The following GASK1A variants were observed in gnomAD, a reference collection of about 807,000 sequenced individuals.
GASK1A encodes the protein golgi associated kinase 1A.
A neutral mutation model predicts 41.2 loss-of-function variants in GASK1A; 40 were observed. That is an observed-to-expected ratio of 0.97 (90% CI 0.75 to 1.27). The LOEUF (loss-of-function observed/expected upper bound fraction) is 1.27. Among genes scored for constraint, GASK1A ranks in the 50% most tolerant of loss-of-function variants. The probability of loss-of-function intolerance (pLI) is 0.00; values close to 1 mark genes in which losing one functional copy is unlikely to be tolerated. For missense variants in GASK1A, 678 were observed against 745.1 expected (o/e 0.91, Z 1.05); for synonymous variants, 316 against 307.1 (o/e 1.03, Z -0.30).
intron 2 of GASK1A, among the ~76,000 whole-genome samples, chr3:43,038,599 T>TG (rs2089616855): frequency 8.6e-5 from 1 of 11,600 alleles, no homozygotes; most frequent in Non-Finnish European, 3.3e-4. Context: ...CTCTTTGATC[T>TG]TTAAAAAAAA....
intron 4 of GASK1A, 31 bp downstream of exon 4, chr3:43,055,566 A>G: frequency 6.7e-7 from 1 of 1,483,280 alleles, no homozygotes; most frequent in South Asian, 1.2e-5. Context: ...GTGGAAGTTC[A>G]TGGGACTGAG....
At chr3:42,996,091 G>C (rs1325637388) in intron 1 of GASK1A, among the ~76,000 whole-genome samples, 1 of 149,694 alleles carries the variant, frequency 6.7e-6, no homozygotes, top group East Asian at 2.0e-4. Flanking sequence ...TATAATCAAC[G>C]TGGAGACTGG....
At chr3:42,987,068 A>G (rs891359187) in intron 1 of GASK1A, among the ~76,000 whole-genome samples, 2 of 152,244 alleles carry the variant, frequency 1.3e-5, no homozygotes, top group Non-Finnish European at 2.9e-5. Flanking sequence ...TCCTAAGGAA[A>G]TTGAACACTC....
chr3:43,040,768 C>T (rs1047113842), intron 2 of GASK1A, among the ~76,000 whole-genome samples: 4 of 151,066 alleles, frequency 2.6e-5, no homozygotes, highest in South Asian at 2.1e-4. Flanking sequence ...TTTTAGGGTA[C>T]ATGTGCACAA....
chr3:43,053,230 G>C (rs564823347), intron 2 of GASK1A, among the ~76,000 whole-genome samples: 1 of 152,382 alleles, frequency 6.6e-6, no homozygotes, highest in South Asian at 2.1e-4. Flanking sequence ...GAGCCTCAGA[G>C]GTGCCAGGCT....
intron 1 of GASK1A, among the ~76,000 whole-genome samples, chr3:42,986,052 T>C (rs1025955705): frequency 5.3e-5 from 8 of 152,224 alleles, no homozygotes. Flanking sequence ...CAGCTTTACG[T>C]ATAATTGCCC....
chr3:43,009,210 C>G (rs2089451132), intron 1 of GASK1A, among the ~76,000 whole-genome samples: 1 of 152,176 alleles, frequency 6.6e-6, no homozygotes, highest in Non-Finnish European at 1.5e-5. Flanking sequence ...GTGTATCCTT[C>G]AGCGCATCCT....
chr3:42,995,668 C>A (rs2089365613), intron 1 of GASK1A, among the ~76,000 whole-genome samples: 1 of 151,982 alleles, frequency 6.6e-6, no homozygotes, highest in Non-Finnish European at 1.5e-5. Flanking sequence ...ATTGGCTCGG[C>A]CTCCCCTGTT....
At chr3:43,009,275 C>T (rs2089451507) in intron 1 of GASK1A, among the ~76,000 whole-genome samples, 1 of 152,202 alleles carries the variant, frequency 6.6e-6, no homozygotes, top group Non-Finnish European at 1.5e-5. Flanking sequence ...GATAACACAA[C>T]TCATCATCTC....
rs999237663 is a variant in GASK1A, at chr3:42,984,123, G to A, written c.3+4478G>A. On this transcript the variant is annotated intron_variant, in intron 1 of 4. Coordinates refer to ENST00000430121, the MANE Select transcript of GASK1A (RefSeq NM_001129908.3). The surrounding 1 kb of genome is among the most constrained non-coding windows in gnomAD (Gnocchi z 4.2). ...GTCTTTGCTTGGATCATCTTGTGATGTGACTGCTAAAGTGTTTCTGCCTAG... is the reference window on the plus strand; with the variant it reads ...GTCTTTGCTTGGATCATCTTGTGATATGACTGCTAAAGTGTTTCTGCCTAG... Among the ~76,000 whole-genome samples, 1 of 152,056 alleles carries A rather than the reference G, an allele frequency of 6.6e-6. No homozygotes were observed. The highest frequency in any genetic ancestry group is 1.9e-4 in the East Asian group (1 of 5,162).
intron 1 of GASK1A, among the ~76,000 whole-genome samples, chr3:43,030,149 G>T (rs192414614): frequency 1.1e-4 from 17 of 152,204 alleles, no homozygotes; most frequent in Non-Finnish European, 2.4e-4. Context: ...AGGATTACAC[G>T]CATGCGCCAC....
chr3:43,017,329 AGGAAGGGGCAGTGGGAAGTCACG>A (rs2089497370), intron 1 of GASK1A, among the ~76,000 whole-genome samples: 4 of 150,112 alleles, frequency 2.7e-5, no homozygotes, highest in East Asian at 2.0e-4. Context: ...GTGAAGTCAT[AGGAAGGGGCAGTGGGAAGTCACG>A]GGAAGGGGCA....
At chr3:43,039,791 G>A (rs2125688964) in intron 2 of GASK1A, among the ~76,000 whole-genome samples, 1 of 152,186 alleles carries the variant, frequency 6.6e-6, no homozygotes, top group Admixed American at 6.5e-5. Flanking sequence ...TGTGGTATTT[G>A]GTTTTCTGTT....
In GASK1A at chr3:43,040,875, C is replaced by T. The variant is rs1285512529; in HGVS notation, c.1290+7322C>T. 2.8e-5 allele frequency among the ~76,000 whole-genome samples: 2 copies of T among 72,480 alleles called. 1 individual carries two copies. The highest frequency in any genetic ancestry group is 8.5e-5 in the Non-Finnish European group (2 of 23,662). The allele number at this position is 72,480 out of a possible 152,430, so 47.5% of individuals were successfully genotyped here. A position where few individuals can be genotyped will look rare whatever the true frequency, so the allele number is the denominator to read the frequency against. ...TTAGGTATATCTCCCAATGCTATCC[C>T]TCCCCCCCGCCACAACAGTCCGCAG... is the stretch of plus-strand genomic sequence containing the variant. On this transcript the variant is annotated intron_variant, in intron 2 of 4. Coordinates refer to ENST00000430121, the MANE Select transcript of GASK1A (RefSeq NM_001129908.3).
intron 1 of GASK1A, among the ~76,000 whole-genome samples, chr3:43,010,388 C>G (rs1263193437): frequency 6.6e-6 from 1 of 152,216 alleles, no homozygotes; most frequent in Non-Finnish European, 1.5e-5. Flanking sequence ...GAGGCTTTCT[C>G]AAATCCCCGA....
At position 43,032,900 on chromosome 3, in the gene GASK1A, G is replaced by A; in HGVS notation, c.637G>A (p.Gly213Ser). 1 of 1,551,042 alleles carries A rather than the reference G, an allele frequency of 6.4e-7. No homozygotes were observed. Among genetic ancestry groups the A allele is most frequent in the Non-Finnish European group, 8.7e-7 (1 of 1,146,862 alleles). ...LLGAENRALT[G>S]GQQAEDPTLA... ...GGGAGCTGAGAACAGAGCCTTGACT[G>A]GTGGGCAACAAGCAGAGGATCCCAC... The change falls in exon 2 of 5, where the codon GGT becomes AGT. Residue 213 changes from glycine (G) to serine (S), a missense_variant. Coordinates refer to ENST00000430121, the MANE Select transcript of GASK1A (RefSeq NM_001129908.3).
At chr3:43,017,086 G>A (rs1443115131) in intron 1 of GASK1A, among the ~76,000 whole-genome samples, 1 of 152,098 alleles carries the variant, frequency 6.6e-6, no homozygotes, top group Non-Finnish European at 1.5e-5. Context: ...GTCACATGAA[G>A]TGGCATTGTG....
intron 1 of GASK1A, among the ~76,000 whole-genome samples, chr3:43,009,555 A>G (rs1167504717): frequency 6.6e-6 from 1 of 152,170 alleles, no homozygotes; most frequent in African/African-American, 2.4e-5. Context: ...CAGCTCTTCT[A>G]CTTAGATGGT....
At chr3:43,050,010 A>T in intron 2 of GASK1A, among the ~76,000 whole-genome samples, 1 of 143,626 alleles carries the variant, frequency 7.0e-6, no homozygotes. Context: ...TATTGCTTTC[A>T]GCAGTTTTTT....
Sources: gnomAD v4.1 joint callset for allele counts (sites outside exome capture counted in the v4.1 genomes callset) on GRCh38, gnomAD v4.1.1 for gene constraint, Gnocchi (gnomAD v3.1) non-coding constraint, MANE v1.5 for transcripts, NCBI Gene and HGNC (gene_info 2026-07-23, HGNC 2026-07-21) for gene names.